The following CHMP7 variants were observed in gnomAD, a reference collection of about 807,000 sequenced individuals.
The protein encoded by CHMP7 is charged multivesicular body protein 7.
CHMP7 carries 15 observed loss-of-function variants against 53.7 expected under a neutral mutation model. The observed-to-expected ratio is 0.28, with a 90% CI of 0.19 to 0.43. The LOEUF (loss-of-function observed/expected upper bound fraction) is 0.43, where lower values mean the gene tolerates loss of function less well. Ranked by LOEUF, CHMP7 falls within the 20% of genes least tolerant of loss-of-function variation. The pLI, the probability that CHMP7 is intolerant of heterozygous loss-of-function variation, is 1.00. For missense variants in CHMP7, 527 were observed against 569.4 expected (o/e 0.93, Z 0.76); for synonymous variants, 261 against 228.0 (o/e 1.14, Z -1.30).
Position 23,256,489 on chromosome 8 carries a change from C to G in CHMP7, c.687C>G (p.Ala229=). The change falls in exon 5 of 11, where the codon GCC becomes GCG. Residue 229 remains alanine, a synonymous_variant. Transcript: ENST00000397677. ...KIVKFARGPR[A]KVSPVNDVDV... is the part of the protein sequence containing the mutation. ...TGAAGTTTGCCCGAGGGCCACGTGC[C>G]AAGGTCTCTCCAGTCAATGACGTAG... is the stretch of plus-strand genomic sequence containing the variant. 6.2e-7 allele frequency: 1 copy of G among 1,607,338 alleles called. No homozygotes were observed. The highest frequency in any genetic ancestry group is 8.5e-7 in the Non-Finnish European group (1 of 1,173,784).
At chr8:23,257,801 G>C (rs575026028) in intron 5 of CHMP7, among the ~76,000 whole-genome samples, 1 of 152,232 alleles carries the variant, frequency 6.6e-6, no homozygotes. Context: ...TTCTGTCCCT[G>C]TGGGTTGAAA....
intron 5 of CHMP7, among the ~76,000 whole-genome samples, chr8:23,257,005 G>A (rs1032897249): frequency 1.3e-5 from 2 of 151,614 alleles, no homozygotes; most frequent in Non-Finnish European, 2.9e-5. Context: ...TGTTAGCCAG[G>A]ATGGTCTGAA....
chr8:23,244,182 T>C (rs918386750), intron 1 of CHMP7, among the ~76,000 whole-genome samples: 4 of 152,208 alleles, frequency 2.6e-5, no homozygotes. Context: ...ATTATTTCTT[T>C]CATGGATTAT....
intron 3 of CHMP7, 58 bp from the exon 4 acceptor site, chr8:23,255,189 G>A (rs1802074755): frequency 6.3e-7 from 1 of 1,577,438 alleles, no homozygotes; most frequent in Admixed American, 1.7e-5. Flanking sequence ...CAGGGTCAGG[G>A]TCCCTGCATC....
intron 8 of CHMP7, 91 bp downstream of exon 8, chr8:23,258,921 A>G (rs1802253235): frequency 9.4e-7 from 1 of 1,065,876 alleles, no homozygotes; most frequent in African/African-American, 1.6e-5. Context: ...ACGAAACCTG[A>G]CTTGTGACCT....
At chr8:23,260,119 T>A in intron 9 of CHMP7, 25 bp from the exon 10 acceptor site, 2 of 1,603,716 alleles carry the variant, frequency 1.2e-6, no homozygotes, top group Non-Finnish European at 1.7e-6. Flanking sequence ...AGTTTATGCA[T>A]CTTTATGTTG....
At chr8:23,257,664 C>T (rs1364748449) in intron 5 of CHMP7, among the ~76,000 whole-genome samples, 1 of 152,202 alleles carries the variant, frequency 6.6e-6, no homozygotes, top group Non-Finnish European at 1.5e-5. Flanking sequence ...TGAAGTCTGT[C>T]TTCCAGGTGG....
chr8:23,257,640 G>A (rs1563410791), intron 5 of CHMP7, among the ~76,000 whole-genome samples: 1 of 152,210 alleles, frequency 6.6e-6, no homozygotes, highest in Non-Finnish European at 1.5e-5. Context: ...CCTCTGGCAG[G>A]AGAACACAGA....
intron 5 of CHMP7, among the ~76,000 whole-genome samples, chr8:23,257,308 C>G (rs1407046845): frequency 1.3e-5 from 2 of 151,756 alleles, no homozygotes; most frequent in Non-Finnish European, 2.9e-5. Context: ...GTTGCCCAGG[C>G]TGGTCTCACA....
chr8:23,251,821 T>C (rs1439374489), intron 3 of CHMP7, among the ~76,000 whole-genome samples: 2 of 152,192 alleles, frequency 1.3e-5, no homozygotes, highest in African/African-American at 4.8e-5. Context: ...TTCCAATTTC[T>C]CTCTCCATTT....
In CHMP7 at chr8:23,258,457, C is replaced by G. The variant is rs1276148606; in HGVS notation, c.960+8C>G. ...TCCCAGACAGATCAGATGGTAGTCA[C>G]TCCCCTCTACTCCAGCACTTGGCTG... On this transcript the variant is annotated splice_region_variant and intron_variant, in intron 7 of 10. Coordinates refer to ENST00000397677, the MANE Select transcript of CHMP7 (RefSeq NM_152272.5). The G allele has an allele frequency of 2.5e-6, 4 of 1,613,914 alleles. No individual in the cohort carries two copies. The highest frequency in any genetic ancestry group is 3.4e-6 in the Non-Finnish European group (4 of 1,179,964).
intron 7 of CHMP7, 67 bp from the exon 8 acceptor site, chr8:23,258,665 G>A: frequency 1.5e-5 from 20 of 1,307,952 alleles, no homozygotes; most frequent in Non-Finnish European, 2.2e-5. Context: ...TTTTGGAGTT[G>A]AAACAATATT....
At chr8:23,257,345 C>G (rs1802176298) in intron 5 of CHMP7, among the ~76,000 whole-genome samples, 1 of 152,168 alleles carries the variant, frequency 6.6e-6, no homozygotes. Context: ...AGACCCCCAC[C>G]TCAGCCTCCC....
intron 3 of CHMP7, among the ~76,000 whole-genome samples, chr8:23,251,394 A>T (rs1450003157): frequency 6.6e-6 from 1 of 152,168 alleles, no homozygotes; most frequent in African/African-American, 2.4e-5. Context: ...CATTTGTGTG[A>T]GAGTGCGTGA....
At position 23,255,311 on chromosome 8, in the gene CHMP7, C is replaced by T. The variant is rs748957186; in HGVS notation, c.536C>T (p.Ala179Val). 2 of 1,614,164 alleles carry T rather than the reference C, an allele frequency of 1.2e-6. No individual in the cohort carries two copies. Among genetic ancestry groups the T allele is most frequent in the Admixed American group, 1.7e-5 (1 of 60,026 alleles). ...NSPLSSHPVV[A>V]LSELSTLCAN... ...CCCCTCTCCTCCCACCCCGTGGTGGCCCTGTCAGAGCTCAGCACCCTCTGT... is the reference window on the plus strand; with the variant it reads ...CCCCTCTCCTCCCACCCCGTGGTGGTCCTGTCAGAGCTCAGCACCCTCTGT... The change falls in exon 4 of 11, where the codon GCC becomes GTC. Residue 179 changes from alanine (A) to valine (V), a missense_variant. Ala to Val is a moderately conservative substitution (Grantham distance 64). Coordinates refer to ENST00000397677, the MANE Select transcript of CHMP7 (RefSeq NM_152272.5).
chr8:23,250,810 G>T (rs1379837224), intron 3 of CHMP7, among the ~76,000 whole-genome samples: 2 of 152,074 alleles, frequency 1.3e-5, no homozygotes, highest in African/African-American at 4.8e-5. Context: ...CCTCACCCCG[G>T]GAGAAGCACC....
At chr8:23,253,861 C>T (rs931801368) in intron 3 of CHMP7, among the ~76,000 whole-genome samples, 2 of 152,156 alleles carry the variant, frequency 1.3e-5, no homozygotes, top group Non-Finnish European at 2.9e-5. Flanking sequence ...TGTAAATGGT[C>T]TCCTTGCCTC....
intron 3 of CHMP7, 108 bp from the exon 4 acceptor site, chr8:23,255,139 T>G: frequency 9.0e-7 from 1 of 1,114,886 alleles, no homozygotes; most frequent in Non-Finnish European, 1.3e-6. Flanking sequence ...GGGGTTGGGA[T>G]TCCCGGGTGC....
intron 1 of CHMP7, among the ~76,000 whole-genome samples, chr8:23,245,064 G>A (rs1801638275): frequency 6.6e-6 from 1 of 152,132 alleles, no homozygotes; most frequent in Non-Finnish European, 1.5e-5. Context: ...GGATAATTAT[G>A]TCTTCTATAA....
Sources: allele counts gnomAD v4.1 joint callset (sites outside exome capture counted in the v4.1 genomes callset), GRCh38; gene constraint gnomAD v4.1.1; transcripts MANE v1.5; gene names NCBI Gene and HGNC (gene_info 2026-07-23, HGNC 2026-07-21).